The following CHRM3 variants were observed in gnomAD, a reference collection of about 807,000 sequenced individuals.
The protein encoded by CHRM3 is cholinergic receptor muscarinic 3, also known as muscarinic acetylcholine receptor M3.
In CHRM3, 11 loss-of-function variants were observed where a neutral mutation model predicts 41.8. The observed-to-expected ratio is 0.26, with a 90% CI of 0.17 to 0.44. The LOEUF is 0.44. Ranked by LOEUF, CHRM3 falls within the 20% of genes least tolerant of loss-of-function variation. The pLI, the probability that CHRM3 is intolerant of heterozygous loss-of-function variation, is 1.00. For missense variants in CHRM3, 571 were observed against 745.4 expected, an observed-to-expected ratio of 0.77 and a Z score of 2.72; for synonymous variants, 297 against 301.4, an observed-to-expected ratio of 0.99 and a Z score of 0.15.
intron 1 of CHRM3, among the ~76,000 whole-genome samples, chr1:239,457,051 TG>T (rs1664995067): frequency 6.6e-6 from 1 of 152,180 alleles, no homozygotes; most frequent in Admixed American, 6.5e-5. Flanking sequence ...AACAGCTTGT[TG>T]CTGTCATTCC....
intron 1 of CHRM3, among the ~76,000 whole-genome samples, chr1:239,404,974 G>A (rs1270457432): frequency 1.3e-5 from 2 of 151,796 alleles, no homozygotes; most frequent in Non-Finnish European, 2.9e-5. Context: ...ACAGCAGGAT[G>A]TCAAAAAAGC....
At chr1:239,439,407 T>G (rs1663529354) in intron 1 of CHRM3, among the ~76,000 whole-genome samples, 1 of 152,178 alleles carries the variant, frequency 6.6e-6, no homozygotes, top group Non-Finnish European at 1.5e-5. Context: ...ATATTGGAAT[T>G]CGTGATATTT....
intron 5 of CHRM3, among the ~76,000 whole-genome samples, chr1:239,683,845 C>G (rs1286227090): frequency 6.6e-6 from 1 of 151,950 alleles, no homozygotes; most frequent in African/African-American, 2.4e-5. Flanking sequence ...AGCTTAAACC[C>G]AGTTAAAGAT....
At chr1:239,733,308 G>A (rs767559412) in intron 5 of CHRM3, among the ~76,000 whole-genome samples, 15 of 152,082 alleles carry the variant, frequency 9.9e-5, no homozygotes, top group Admixed American at 2.6e-4. Context: ...CCCAAAGTAC[G>A]CATAGTTGAA....
intron 6 of CHRM3, among the ~76,000 whole-genome samples, chr1:239,872,213 A>G (rs770584459): frequency 3.9e-5 from 6 of 152,174 alleles, no homozygotes. Context: ...AGCAAAATAT[A>G]AATTCTTTGT....
intron 3 of CHRM3, among the ~76,000 whole-genome samples, chr1:239,570,164 C>T (rs1661701762): frequency 1.3e-5 from 2 of 152,040 alleles, no homozygotes; most frequent in Admixed American, 1.3e-4. Flanking sequence ...GGGCAGTTCC[C>T]CCATGCTGTT....
chr1:239,615,287 T>G (rs1317072977), intron 3 of CHRM3, among the ~76,000 whole-genome samples: 1 of 152,176 alleles, frequency 6.6e-6, no homozygotes, highest in East Asian at 1.9e-4. Flanking sequence ...GAACTGAGAA[T>G]CGCTTAGATC....
At chr1:239,545,178 A>G (rs145732651) in intron 2 of CHRM3, among the ~76,000 whole-genome samples, 86 of 152,334 alleles carry the variant, frequency 5.6e-4, no homozygotes, top group Non-Finnish European at 8.1e-4. Flanking sequence ...TGAGTCAGAC[A>G]TATTTACTGA....
At chr1:239,449,052 C>CT (rs1220556340) in intron 1 of CHRM3, among the ~76,000 whole-genome samples, 1 of 151,980 alleles carries the variant, frequency 6.6e-6, no homozygotes, top group East Asian at 1.9e-4. Flanking sequence ...TTATTGTAAC[C>CT]GTTTGTTACC....
intron 3 of CHRM3, among the ~76,000 whole-genome samples, chr1:239,599,932 G>A (rs1454272057): frequency 1.3e-5 from 2 of 152,070 alleles, no homozygotes; most frequent in African/African-American, 2.4e-5. Flanking sequence ...TCCTAAGTCA[G>A]GGATCATCTA....
chr1:239,428,060 A>G (rs1015732226), intron 1 of CHRM3, among the ~76,000 whole-genome samples: 1 of 152,128 alleles, frequency 6.6e-6, no homozygotes, highest in Non-Finnish European at 1.5e-5. Flanking sequence ...GCCGTCCTAT[A>G]TAGTAGACTC....
chr1:239,779,499 C>T (rs1407969972), intron 5 of CHRM3, among the ~76,000 whole-genome samples: 7 of 152,198 alleles, frequency 4.6e-5, no homozygotes, highest in Admixed American at 1.3e-4. Flanking sequence ...TTCGGGAGGC[C>T]GAGGCAGGTG....
chr1:239,541,261 A>G (rs1464027890), intron 2 of CHRM3, among the ~76,000 whole-genome samples: 4 of 151,956 alleles, frequency 2.6e-5, no homozygotes, highest in Non-Finnish European at 5.9e-5. Context: ...TTTTTTCTTC[A>G]TCTTCAATAT....
At position 239,909,184 on chromosome 1, in the gene CHRM3, C is replaced by T. The variant is rs1423837034; in HGVS notation, c.1733C>T (p.Ser578Leu). The T allele has an allele frequency of 1.9e-6, 3 of 1,613,144 alleles. No individual in the cohort carries two copies. Among genetic ancestry groups the T allele is most frequent in the Non-Finnish European group, 1.7e-6 (2 of 1,179,750 alleles). Residue 578 changes from serine (S) to leucine (L), a missense_variant, in exon 7 of 7, where the codon TCG becomes TTG. This residue lies in a region of CHRM3 where 44 missense variants were observed against 39.7 expected (regional missense o/e 1.11). Transcript: ENST00000676153. ...AAGCAGCAGTACCAGCAGAGACAGT[C>T]GGTCATTTTTCACAAGCGCGCACCC... ...RRKQQYQQRQSVIFHKRAPEQ... is the reference protein window; with the variant it reads ...RRKQQYQQRQLVIFHKRAPEQ...
At chr1:239,683,378 GT>G (rs1204209008) in intron 5 of CHRM3, among the ~76,000 whole-genome samples, 7 of 152,144 alleles carry the variant, frequency 4.6e-5, no homozygotes, top group Admixed American at 3.9e-4. Context: ...TATATCTGGT[GT>G]GCTCTGCTGA....
At chr1:239,650,961 T>G (rs1395166653) in intron 4 of CHRM3, among the ~76,000 whole-genome samples, 1 of 152,222 alleles carries the variant, frequency 6.6e-6, no homozygotes, top group Non-Finnish European at 1.5e-5. Context: ...TATGTAAATA[T>G]ATGTAAATTT....
intron 2 of CHRM3, among the ~76,000 whole-genome samples, chr1:239,497,284 GAAAA>G (rs901812056): frequency 6.6e-6 from 1 of 152,120 alleles, no homozygotes; most frequent in African/African-American, 2.4e-5. Context: ...GCTTTGGAAA[GAAAA>G]AGTAAGTCAA....
intron 3 of CHRM3, among the ~76,000 whole-genome samples, chr1:239,577,026 T>C (rs1025291273): frequency 6.6e-6 from 1 of 152,196 alleles, no homozygotes; most frequent in Admixed American, 6.5e-5. Context: ...ACTTCAGAAT[T>C]TTCTAGACCA....
rs1680534721 is a variant in CHRM3 at position 239,914,377 on chromosome 1, T to G, written c.*5153T>G. The G allele has an allele frequency of 6.0e-6, 1 of 167,104 alleles. No individual in the cohort carries two copies. Among genetic ancestry groups the G allele is most frequent in the Non-Finnish European group, 1.5e-5 (1 of 68,118 alleles). The allele number at this position is 167,104 out of a possible 1,614,324, so 10.4% of individuals were successfully genotyped here. A position where few individuals can be genotyped will look rare whatever the true frequency, so the allele number is the denominator to read the frequency against. ...TTAATATAACAAATATTATCAACATTCTGTGCACATCAATGTCCCATGCTG... is the reference window on the plus strand; with the variant it reads ...TTAATATAACAAATATTATCAACATGCTGTGCACATCAATGTCCCATGCTG... On this transcript the variant is annotated 3_prime_UTR_variant, in exon 7 of 7. Transcript: ENST00000676153.
Sources: gnomAD v4.1 joint callset for allele counts (sites outside exome capture counted in the v4.1 genomes callset) on GRCh38, gnomAD v4.1.1 for gene constraint, gnomAD v4.1.1 regional missense constraint, MANE v1.5 for transcripts, NCBI Gene and HGNC (gene_info 2026-07-23, HGNC 2026-07-21) for gene names.